Variants in JCAD observed in about 807,000 individuals in gnomAD.
JCAD encodes the protein junctional cadherin 5-associated protein.
JCAD carries 40 observed loss-of-function variants against 98.0 expected under a neutral mutation model. That is an observed-to-expected ratio of 0.41 (90% CI 0.32 to 0.53). The LOEUF (loss-of-function observed/expected upper bound fraction) is 0.53. Among genes scored for constraint, JCAD ranks in the 20% least tolerant of loss-of-function variants. JCAD has a pLI of 0.31. For synonymous variants in JCAD, 691 were observed against 682.3 expected (o/e 1.01, Z -0.20); for missense variants, 1,705 against 1,738.1 (o/e 0.98, Z 0.34).
At chr10:30,108,781 T>C (rs763145662) in intron 1 of JCAD, among the ~76,000 whole-genome samples, 8 of 151,740 alleles carry the variant, frequency 5.3e-5, no homozygotes, top group Non-Finnish European at 1.0e-4. Context: ...TAAACTTACA[T>C]TTCAGCCTAC....
intron 1 of JCAD, among the ~76,000 whole-genome samples, chr10:30,073,628 T>C (rs1041479200): frequency 1.3e-5 from 2 of 151,442 alleles, no homozygotes; most frequent in Non-Finnish European, 2.9e-5. Flanking sequence ...GCATTTACAA[T>C]GGACAGGATA....
rs773869867 is a variant in JCAD, at chr10:30,047,741, C to T, written c.72G>A (p.Glu24=). 40 of 1,614,220 alleles carry T rather than the reference C, an allele frequency of 2.5e-5. No homozygotes were observed. Among genetic ancestry groups the T allele is most frequent in the Non-Finnish European group, 3.2e-5 (38 of 1,180,028 alleles). ...CTGCCTGGCGCCCCTTGGGGTTATCCTCGCGTGATGCTGGGGGGTCTCTTG... is the reference window on the plus strand; with the variant it reads ...CTGCCTGGCGCCCCTTGGGGTTATCTTCGCGTGATGCTGGGGGGTCTCTTG... ...KLSRDPPASR[E]DNPKGRQAAR... The change falls in exon 2 of 4, where the codon GAG becomes GAA. Residue 24 remains glutamate (E), a synonymous_variant. Transcript: ENST00000375377.
At position 30,027,592 on chromosome 10, in the gene JCAD, G is replaced by GCTGCTT; in HGVS notation, c.2555_2556insAAGCAG (p.Ser851_Ser852insArgSer). ...CCTCACTGCTGCTGCTGCTGCTGCT[G>GCTGCTT]CTGCTACTGCTGCTTTCTTCCTCTT... On this transcript the variant is annotated inframe_insertion, in exon 3 of 4. Transcript: ENST00000375377. The GCTGCTT allele has an allele frequency of 6.2e-7, 1 of 1,614,204 alleles. No individual in the cohort carries two copies.
intron 1 of JCAD, among the ~76,000 whole-genome samples, chr10:30,056,601 A>G (rs1837574327): frequency 6.6e-6 from 1 of 152,108 alleles, no homozygotes; most frequent in Non-Finnish European, 1.5e-5. Context: ...TACATACAGA[A>G]AAAACAATCT....
rs1396374010 is a variant in JCAD, at chr10:30,029,539, A to G, written c.609T>C (p.Asp203=). 3 of 1,614,078 alleles carry G rather than the reference A, an allele frequency of 1.9e-6. No individual in the cohort carries two copies. The highest frequency in any genetic ancestry group is 2.5e-6 in the Non-Finnish European group (3 of 1,180,032). Reference sequence around the variant, plus strand: ...ACAGGTCTTGAAACAGTCTCTCCCCATCTCCATCAGACATCTGCCTCCCTA... The same window carrying G: ...ACAGGTCTTGAAACAGTCTCTCCCCGTCTCCATCAGACATCTGCCTCCCTA... ...RKLGRQMSDG[D]GERLFQDLYP... The change falls in exon 3 of 4, where the codon GAT becomes GAC. Residue 203 remains aspartate (D), a synonymous_variant. Coordinates refer to ENST00000375377, the MANE Select transcript of JCAD (RefSeq NM_020848.4).
At chr10:30,108,731 A>G (rs1402810121) in intron 1 of JCAD, among the ~76,000 whole-genome samples, 1 of 152,154 alleles carries the variant, frequency 6.6e-6, no homozygotes, top group Non-Finnish European at 1.5e-5. Context: ...TTCTTCTTTA[A>G]GTCAGAATTC....
chr10:30,101,278 C>A (rs1043841414), intron 1 of JCAD, among the ~76,000 whole-genome samples: 4 of 151,244 alleles, frequency 2.6e-5, no homozygotes, highest in Admixed American at 1.3e-4. Flanking sequence ...GCGTGGTGGC[C>A]CATTCCTGTA....
chr10:30,109,070 A>G lies in JCAD; in HGVS notation n.128+6297T>C, dbSNP rs185349885. 4.3e-3 allele frequency among the ~76,000 whole-genome samples: 655 copies of G among 152,272 alleles called. 7 individuals carry two copies. The South Asian group carries it at 0.043, about 10-fold the overall frequency. On this transcript the variant is annotated intron_variant and non_coding_transcript_variant, in intron 1 of 2. Transcript: ENST00000465712. ...CTCTCCGCTGCACGCCCTGGCACCCAGCATCTTCCCTCGTCCTCAGGCTGC... is the reference window on the plus strand; with the variant it reads ...CTCTCCGCTGCACGCCCTGGCACCCGGCATCTTCCCTCGTCCTCAGGCTGC...
At chr10:30,100,893 T>C (rs1162846881) in intron 1 of JCAD, among the ~76,000 whole-genome samples, 1 of 152,178 alleles carries the variant, frequency 6.6e-6, no homozygotes, top group Non-Finnish European at 1.5e-5. Context: ...AAGATGTTCA[T>C]TGGTTCAGCC....
intron 2 of JCAD, among the ~76,000 whole-genome samples, chr10:30,042,965 C>T (rs1306224004): frequency 1.3e-5 from 2 of 152,210 alleles, no homozygotes; most frequent in African/African-American, 2.4e-5. Context: ...ACCAGTCATA[C>T]GAATGATGGC....
chr10:30,042,243 G>T (rs1453752219), intron 2 of JCAD, among the ~76,000 whole-genome samples: 2 of 152,192 alleles, frequency 1.3e-5, no homozygotes, highest in Non-Finnish European at 2.9e-5. Context: ...TACACAGGGA[G>T]TCCCTGTGGC....
In JCAD at chr10:30,028,757, G is replaced by GC; in HGVS notation, c.1390dup (p.Ala464GlyfsTer8). The GC allele has an allele frequency of 6.2e-7, 1 of 1,614,234 alleles. No individual in the cohort carries two copies. Among genetic ancestry groups the GC allele is most frequent in the Non-Finnish European group, 8.5e-7 (1 of 1,180,044 alleles). On this transcript the variant is annotated frameshift_variant, in exon 3 of 4. Coordinates refer to ENST00000375377, the MANE Select transcript of JCAD (RefSeq NM_020848.4). LOFTEE classifies it high-confidence loss of function. ...ACCATCAGGCTGCATTCCTCCATGA[G>GC]CCGGCTCTTGAGCAGTGACAGGACT...
intron 1 of JCAD, among the ~76,000 whole-genome samples, chr10:30,105,279 T>C (rs2132713307): frequency 1.3e-5 from 2 of 152,164 alleles, no homozygotes; most frequent in Middle Eastern, 6.8e-3. Context: ...AGATTGACTG[T>C]GCTGTCACCA....
chr10:30,018,294 TTC>T (rs200287837), intron 3 of JCAD, among the ~76,000 whole-genome samples: 2,907 of 112,518 alleles, frequency 0.026, 39 homozygotes, highest in Non-Finnish European at 0.038. Flanking sequence ...CTTCTTCTTC[TTC>T]TTTTTTTTTT....
At chr10:30,030,550 T>G (rs1836971197) in intron 2 of JCAD, among the ~76,000 whole-genome samples, 1 of 152,208 alleles carries the variant, frequency 6.6e-6, no homozygotes, top group Non-Finnish European at 1.5e-5. Context: ...AGACCTCCTG[T>G]GCAATCTCTG....
intron 2 of JCAD, among the ~76,000 whole-genome samples, chr10:30,031,096 G>A (rs1472238684): frequency 1.3e-5 from 2 of 151,336 alleles, no homozygotes; most frequent in Non-Finnish European, 2.9e-5. Flanking sequence ...GTAGGTCTGG[G>A]TTAGGGCCCA....
intron 1 of JCAD, among the ~76,000 whole-genome samples, chr10:30,090,555 A>G (rs113618101): frequency 2.1e-4 from 31 of 144,326 alleles, no homozygotes; most frequent in Non-Finnish European, 2.4e-4. Context: ...AAGGAAAGGA[A>G]AGGAGAGGAG....
chr10:30,033,797 G>T (rs1223280738), intron 2 of JCAD, among the ~76,000 whole-genome samples: 1 of 152,218 alleles, frequency 6.6e-6, no homozygotes, highest in Non-Finnish European at 1.5e-5. Flanking sequence ...GGCCTGGGCT[G>T]CAGGAGAGCC....
chr10:30,086,640 A>G (rs1838171239), intron 1 of JCAD, among the ~76,000 whole-genome samples: 1 of 152,232 alleles, frequency 6.6e-6, no homozygotes, highest in Non-Finnish European at 1.5e-5. Flanking sequence ...CCAACAAACA[A>G]AAGTCATCCC....
Sources: gnomAD v4.1 joint callset for allele counts (sites outside exome capture counted in the v4.1 genomes callset) on GRCh38, gnomAD v4.1.1 for gene constraint, MANE v1.5 for transcripts, NCBI Gene and HGNC (gene_info 2026-07-23, HGNC 2026-07-21) for gene names.